ZMYM2: variants seen among roughly 807,000 people sequenced by gnomAD.
ZMYM2 encodes zinc finger MYM-type containing 2.
Under a neutral mutation model 162.8 loss-of-function variants are expected in ZMYM2, and 56 were observed. That is an observed-to-expected ratio of 0.34 (90% CI 0.28 to 0.43). The LOEUF (loss-of-function observed/expected upper bound fraction) is 0.43. Ranked by LOEUF, ZMYM2 falls within the 20% of genes least tolerant of loss-of-function variation. The probability of loss-of-function intolerance (pLI) is 1.00; values close to 1 mark genes in which losing one functional copy is unlikely to be tolerated. For synonymous variants in ZMYM2, 510 were observed against 541.6 expected (o/e 0.94, Z 0.81); for missense variants, 1,275 against 1,621.8 (o/e 0.79, Z 3.67).
At chr13:19,895,092 A>G in the ZMYM2 span, among the ~76,000 whole-genome samples, 1 of 150,974 alleles carries the variant, frequency 6.6e-6, no homozygotes, top group African/African-American at 2.4e-5. Flanking sequence ...AAAAAAAAAA[A>G]AAAAAGAAAA....
chr13:19,958,921 A>C (rs1954803395), intron 1 of ZMYM2, 80 bp downstream of exon 1: 2 of 151,778 alleles, frequency 1.3e-5, no homozygotes, highest in African/African-American at 4.9e-5. Flanking sequence ...CCTCCGGAGG[A>C]GGAGGCGGAG....
At chr13:19,973,735 C>T (rs1478346279) in intron 2 of ZMYM2, among the ~76,000 whole-genome samples, 4 of 151,326 alleles carry the variant, frequency 2.6e-5, no homozygotes, top group African/African-American at 7.3e-5. Flanking sequence ...CAACACAATA[C>T]CATAGGGCAA....
At chr13:19,948,000 T>TA in the ZMYM2 span, among the ~76,000 whole-genome samples, 665 of 36,530 alleles carry the variant, frequency 0.018, 11 homozygotes, top group South Asian at 0.19. Flanking sequence ...ATCCTGTAAG[T>TA]AAAAAAAAAA....
In ZMYM2 at chr13:20,062,843, C is replaced by A; in HGVS notation, c.2912-3C>A. The A allele has an allele frequency of 6.4e-7, 1 of 1,559,740 alleles. No individual in the cohort carries two copies. The highest frequency in any genetic ancestry group is 1.4e-5 in the African/African-American group (1 of 73,660). On this transcript the variant is annotated splice_polypyrimidine_tract_variant and splice_region_variant and intron_variant, in intron 17 of 24. Transcript: ENST00000610343. ...TCCTAATGATAATATGGATTGATTTCAGGTGTAATTATTGAAACAGATATA... is the reference window on the plus strand; with the variant it reads ...TCCTAATGATAATATGGATTGATTTAAGGTGTAATTATTGAAACAGATATA...
chr13:19,887,922 C>A, the ZMYM2 span, among the ~76,000 whole-genome samples: 2 of 151,166 alleles, frequency 1.3e-5, no homozygotes, highest in East Asian at 1.9e-4. Flanking sequence ...ACTTTGTCAC[C>A]CAGGCTGGAG....
the ZMYM2 span, among the ~76,000 whole-genome samples, chr13:19,891,393 T>A: frequency 6.6e-6 from 1 of 151,556 alleles, no homozygotes; most frequent in African/African-American, 2.4e-5. Context: ...CGAATTTCTA[T>A]TGTTAAAGCC....
At chr13:20,036,616 C>T in intron 11 of ZMYM2, 121 bp from the exon 12 acceptor site, 2 of 680,812 alleles carry the variant, frequency 2.9e-6, no homozygotes, top group East Asian at 3.2e-5. Context: ...ATATTGATTA[C>T]AGTAGATTTT....
At chr13:20,020,924 T>G (rs1185728019) in intron 7 of ZMYM2, among the ~76,000 whole-genome samples, 1 of 152,148 alleles carries the variant, frequency 6.6e-6, no homozygotes, top group African/African-American at 2.4e-5. Context: ...TCTACTAATA[T>G]TTTAATATAT....
chr13:19,937,738 T>C, the ZMYM2 span, among the ~76,000 whole-genome samples: 7 of 151,374 alleles, frequency 4.6e-5, no homozygotes, highest in Admixed American at 1.3e-4. Context: ...GCTGCACCCA[T>C]TAACTCGTCA....
Position 20,062,957 on chromosome 13 carries a change from T to G in ZMYM2, c.3023T>G (p.Ile1008Arg), listed in dbSNP as rs1230266774. The change falls in exon 18 of 25, where the codon ATA (isoleucine) becomes AGA (arginine). Residue 1008 changes from isoleucine (I) to arginine (R), a missense_variant. Physicochemically the swap from Ile to Arg is moderately conservative, Grantham distance 97. Around this residue, in one of 10 missense-constraint regions of ZMYM2, gnomAD observed 229 missense variants for 283.8 expected, o/e 0.81. Coordinates refer to ENST00000610343, the MANE Select transcript of ZMYM2 (RefSeq NM_197968.4). ...VPYEPDLDIE[I>R]DFPRAAEELD... ...TATGAACCAGATTTGGATATCGAAA[T>G]AGATTTTCCCAGAGGTACTCAAAAC... 1.9e-6 allele frequency: 3 copies of G among 1,601,862 alleles called. No homozygotes were observed. In the East Asian group the frequency reaches 6.7e-5, roughly 36 times the overall value.
chr13:20,059,435 T>C lies in ZMYM2; in HGVS notation c.2624-12T>C, dbSNP rs1956068492. 1 of 1,612,954 alleles carries C rather than the reference T, an allele frequency of 6.2e-7. No individual in the cohort carries two copies. On this transcript the variant is annotated splice_polypyrimidine_tract_variant and intron_variant, in intron 15 of 24. Transcript: ENST00000610343. ...GTTAACATTGCTCCTTAAATATGTTTTGTGTTTTTAGATGATACTTGGAGG... is the reference window on the plus strand; with the variant it reads ...GTTAACATTGCTCCTTAAATATGTTCTGTGTTTTTAGATGATACTTGGAGG...
Position 20,033,229 on chromosome 13 carries a change from T to C in ZMYM2, c.1969-1025T>C, listed in dbSNP as rs143346630. Among the ~76,000 whole-genome samples the C allele has an allele frequency of 3.3e-3, 499 of 152,190 alleles. 5 individuals carry two copies. Among genetic ancestry groups the C allele is most frequent in the African/African-American group, 0.012 (479 of 41,514 alleles). On this transcript the variant is annotated intron_variant, in intron 10 of 24. Coordinates refer to ENST00000610343, the MANE Select transcript of ZMYM2 (RefSeq NM_197968.4). ...TCCTGCATACACTGAATTTTGATAC[T>C]AGATCAAAATGAGGTCCTTTTCACT...
chr13:19,965,013 C>T (rs372473830), intron 2 of ZMYM2, among the ~76,000 whole-genome samples: 13 of 151,524 alleles, frequency 8.6e-5, no homozygotes, highest in Admixed American at 3.3e-4. Context: ...GTGCAGCGCA[C>T]CAGCATGGCA....
At chr13:19,868,911 T>G in the ZMYM2 span, among the ~76,000 whole-genome samples, 2 of 152,092 alleles carry the variant, frequency 1.3e-5, no homozygotes, top group Admixed American at 1.3e-4. Flanking sequence ...CCACCATGCC[T>G]GGCTAATTTT....
chr13:20,019,557 A>T lies in ZMYM2; in HGVS notation c.1523A>T (p.His508Leu), dbSNP rs1370536591. 1 of 1,589,392 alleles carries T rather than the reference A, an allele frequency of 6.3e-7. No individual in the cohort carries two copies. Among genetic ancestry groups the T allele is most frequent in the Non-Finnish European group, 8.6e-7 (1 of 1,167,162 alleles). ...CVSEYKQVGS[H>L]PSFLKEVRDH... Reference sequence around the variant, plus strand: ...AAAATCTTTTTTTAGGTAGGTAGCCATCCAAGCTTCCTGAAGGAGGTTCGA... The same window carrying T: ...AAAATCTTTTTTTAGGTAGGTAGCCTTCCAAGCTTCCTGAAGGAGGTTCGA... Residue 508 changes from histidine (H) to leucine (L), a missense_variant, in exon 7 of 25, where the codon CAT becomes CTT. His to Leu is a moderately conservative substitution (Grantham distance 99). Transcript: ENST00000610343.
At chr13:19,945,312 C>T in the ZMYM2 span, among the ~76,000 whole-genome samples, 1 of 152,064 alleles carries the variant, frequency 6.6e-6, no homozygotes. Flanking sequence ...ACTGCAGTGT[C>T]ACGATCTCGG....
chr13:20,027,392 G>T, intron 9 of ZMYM2, 74 bp downstream of exon 9: 1 of 1,133,192 alleles, frequency 8.8e-7, no homozygotes. Flanking sequence ...AATATAATAT[G>T]CTTTATTTTA....
At chr13:20,014,762 G>GTTTTTTTTTTTTTTTTTT (rs71070286) in intron 6 of ZMYM2, among the ~76,000 whole-genome samples, 1 of 92,830 alleles carries the variant, frequency 1.1e-5, no homozygotes, top group Non-Finnish European at 2.0e-5. Flanking sequence ...TTTACTTTAG[G>GTTTTTTTTTTTTTTTTTT]TTTTTTTTTT....
the ZMYM2 span, among the ~76,000 whole-genome samples, chr13:19,902,962 G>T: frequency 6.6e-6 from 1 of 152,064 alleles, no homozygotes; most frequent in Admixed American, 6.5e-5. Flanking sequence ...TTTGAGACCA[G>T]CCTGACCAAC....
Sources: allele counts gnomAD v4.1 joint callset (sites outside exome capture counted in the v4.1 genomes callset), GRCh38; gene constraint gnomAD v4.1.1; regional missense constraint gnomAD v4.1.1; transcripts MANE v1.5; gene names NCBI Gene and HGNC (gene_info 2026-07-23, HGNC 2026-07-21).